The following CELF2 variants were observed in gnomAD, a reference collection of about 807,000 sequenced individuals.
The protein encoded by CELF2 is CUGBP Elav-like family member 2.
In CELF2, 8 loss-of-function variants were observed where a neutral mutation model predicts 62.6. The observed-to-expected ratio is 0.13, with a 90% CI of 0.07 to 0.23. CELF2 has a LOEUF of 0.23. Ranked by LOEUF, CELF2 falls within the 10% of genes least tolerant of loss-of-function variation. The pLI, the probability that CELF2 is intolerant of heterozygous loss-of-function variation, is 1.00. For missense variants in CELF2, 333 were observed against 671.0 expected (o/e 0.50, Z 5.56); for synonymous variants, 258 against 250.0 (o/e 1.03, Z -0.30).
At chr10:11,112,470 C>G (rs1033018084) in intron 1 of CELF2, among the ~76,000 whole-genome samples, 2 of 152,220 alleles carry the variant, frequency 1.3e-5, no homozygotes, top group Non-Finnish European at 2.9e-5. Flanking sequence ...GTGTGTGTCA[C>G]CTCTCATTAC....
intron 1 of CELF2, among the ~76,000 whole-genome samples, chr10:10,849,044 C>T (rs1427841059): frequency 6.6e-6 from 1 of 152,082 alleles, no homozygotes; most frequent in East Asian, 1.9e-4. Flanking sequence ...ACAACAATAT[C>T]CATTTTGGCT....
At chr10:11,120,007 A>G (rs1321512060) in intron 1 of CELF2, among the ~76,000 whole-genome samples, 1 of 152,008 alleles carries the variant, frequency 6.6e-6, no homozygotes, top group Non-Finnish European at 1.5e-5. Context: ...TTATTTGTTT[A>G]TGCTTCCATT....
chr10:11,134,122 C>T (rs995938550), intron 1 of CELF2, among the ~76,000 whole-genome samples: 4 of 152,146 alleles, frequency 2.6e-5, no homozygotes, highest in Non-Finnish European at 5.9e-5. Flanking sequence ...AGAAGAGGAT[C>T]GCCGTCCTTC....
At chr10:10,710,956 G>T in the CELF2 span, among the ~76,000 whole-genome samples, 1 of 152,146 alleles carries the variant, frequency 6.6e-6, no homozygotes, top group Non-Finnish European at 1.5e-5. Flanking sequence ...GTGGTTTTTA[G>T]AGTTTTTCTT....
intron 2 of CELF2, among the ~76,000 whole-genome samples, chr10:10,930,865 C>T (rs958933918): frequency 2.0e-5 from 3 of 151,950 alleles, no homozygotes; most frequent in African/African-American, 7.3e-5. Flanking sequence ...TAAAGCACAC[C>T]CATGTTAGTT....
At chr10:10,732,871 A>G in the CELF2 span, among the ~76,000 whole-genome samples, 10 of 152,118 alleles carry the variant, frequency 6.6e-5, no homozygotes, top group Non-Finnish European at 1.2e-4. Flanking sequence ...CTGTTCACCA[A>G]CACACAAGGA....
At chr10:10,535,063 T>C in the CELF2 span, among the ~76,000 whole-genome samples, 1 of 152,216 alleles carries the variant, frequency 6.6e-6, no homozygotes, top group African/African-American at 2.4e-5. Context: ...TACCTCCTGT[T>C]TTAATCACCT....
chr10:10,939,047 A>C (rs1397542428), intron 2 of CELF2, among the ~76,000 whole-genome samples: 1 of 152,156 alleles, frequency 6.6e-6, no homozygotes, highest in Admixed American at 6.5e-5. Flanking sequence ...GGCTGAGGTC[A>C]TATAGGCAGG....
At chr10:11,293,279 C>T (rs955294588) in intron 9 of CELF2, among the ~76,000 whole-genome samples, 2 of 152,188 alleles carry the variant, frequency 1.3e-5, no homozygotes, top group Non-Finnish European at 1.5e-5. Context: ...GGTATAAAAG[C>T]GTTTCTAATG....
intron 1 of CELF2, among the ~76,000 whole-genome samples, chr10:11,043,928 T>C (rs2062319430): frequency 6.6e-6 from 1 of 152,222 alleles, no homozygotes; most frequent in South Asian, 2.1e-4. Flanking sequence ...TCCAGCATCT[T>C]ACATTTGCTC....
At chr10:11,170,917 C>G (rs1228059563) in intron 2 of CELF2, among the ~76,000 whole-genome samples, 1 of 152,122 alleles carries the variant, frequency 6.6e-6, no homozygotes, top group African/African-American at 2.4e-5. Context: ...TGGTTAGGTA[C>G]TGTCATTCTG....
At chr10:10,683,264 C>T in the CELF2 span, among the ~76,000 whole-genome samples, 1 of 152,190 alleles carries the variant, frequency 6.6e-6, no homozygotes, top group Admixed American at 6.5e-5. Context: ...TCCTCCTCCA[C>T]TTAGGTTTTT....
At chr10:11,097,097 A>G (rs2050099127) in intron 1 of CELF2, among the ~76,000 whole-genome samples, 1 of 152,206 alleles carries the variant, frequency 6.6e-6, no homozygotes, top group Non-Finnish European at 1.5e-5. Flanking sequence ...TCTCCTGATC[A>G]TGTTTTCCCT....
At chr10:10,949,859 A>T (rs1490691200) in intron 2 of CELF2, among the ~76,000 whole-genome samples, 1 of 151,740 alleles carries the variant, frequency 6.6e-6, no homozygotes, top group African/African-American at 2.4e-5. Context: ...CTCACCTACA[A>T]ATTCAAACTC....
In CELF2 at chr10:11,113,426, A is replaced by G. The variant is rs1427606957; in HGVS notation, c.75-52060A>G. On this transcript the variant is annotated intron_variant, in intron 1 of 12. Transcript: ENST00000633077. ...GGCGTTCTCCTCTATGCTATCACTAATTGGTTGTTAAGGGAATATAGAAAC... is the reference window on the plus strand; with the variant it reads ...GGCGTTCTCCTCTATGCTATCACTAGTTGGTTGTTAAGGGAATATAGAAAC... Among the ~76,000 whole-genome samples, 3 of 152,138 alleles carry G rather than the reference A, an allele frequency of 2.0e-5. No individual in the cohort carries two copies. In the East Asian group the frequency reaches 5.8e-4, roughly 29 times the overall value.
At chr10:10,712,170 AAAAC>A in the CELF2 span, among the ~76,000 whole-genome samples, 1 of 149,928 alleles carries the variant, frequency 6.7e-6, no homozygotes, top group African/African-American at 2.5e-5. Flanking sequence ...AAAAAAAAAA[AAAAC>A]TGGAATCTCT....
At position 11,285,020 on chromosome 10, in the gene CELF2, T is replaced by C. The variant is rs537749774; in HGVS notation, c.842-3398T>C. On this transcript the variant is annotated intron_variant, in intron 8 of 12. Coordinates refer to ENST00000633077, the MANE Select transcript of CELF2 (RefSeq NM_001326342.2). This position sits in a 1 kb window ranked among gnomAD's most constrained non-coding sequence, Gnocchi z 4.3. Reference sequence around the variant, plus strand: ...TGTGGATGACGGATGGGTGGGAGGATAGTGGATCTGTGGATGGATAATTAA... The same window carrying C: ...TGTGGATGACGGATGGGTGGGAGGACAGTGGATCTGTGGATGGATAATTAA... Among the ~76,000 whole-genome samples the C allele has an allele frequency of 2.0e-5, 3 of 148,808 alleles. No homozygotes were observed. The highest frequency in any genetic ancestry group is 6.7e-5 in the Admixed American group (1 of 14,958).
chr10:10,960,667 C>T (rs2049398065), intron 2 of CELF2, among the ~76,000 whole-genome samples: 2 of 152,302 alleles, frequency 1.3e-5, no homozygotes, highest in East Asian at 3.9e-4. Context: ...CTCTATTAAA[C>T]AGAGTATTTG....
At chr10:10,771,641 G>A in the CELF2 span, among the ~76,000 whole-genome samples, 1 of 152,226 alleles carries the variant, frequency 6.6e-6, no homozygotes, top group Non-Finnish European at 1.5e-5. Context: ...GGTTTTATCA[G>A]GGGTTTCTGC....
Sources: gnomAD v4.1 joint callset for allele counts (sites outside exome capture counted in the v4.1 genomes callset) on GRCh38, gnomAD v4.1.1 for gene constraint, Gnocchi (gnomAD v3.1) non-coding constraint, MANE v1.5 for transcripts, NCBI Gene and HGNC (gene_info 2026-07-23, HGNC 2026-07-21) for gene names.